Variants in EML6 observed in about 807,000 individuals in gnomAD.
EML6 encodes echinoderm microtubule-associated protein-like 6.
Under a neutral mutation model 240.1 loss-of-function variants are expected in EML6, and 154 were observed. The ratio of observed to expected loss-of-function variants is 0.64; its 90% CI spans 0.56 to 0.73. The LOEUF (loss-of-function observed/expected upper bound fraction) is 0.73. Among genes scored for constraint, EML6 ranks in the 30% least tolerant of loss-of-function variants. EML6 has a pLI of 0.00. For missense variants in EML6, 2,964 were observed against 2,474.6 expected (o/e 1.20, Z -4.20); for synonymous variants, 1,148 against 899.0 (o/e 1.28, Z -4.95).
chr2:54,967,435 G>T (rs558551397), intron 39 of EML6, among the ~76,000 whole-genome samples: 4 of 152,316 alleles, frequency 2.6e-5, no homozygotes, highest in African/African-American at 9.6e-5. Context: ...GGGGAAGGGA[G>T]TGGGAGGGCC....
chr2:54,937,832 A>T (rs1398591655), intron 28 of EML6, among the ~76,000 whole-genome samples: 1 of 152,188 alleles, frequency 6.6e-6, no homozygotes, highest in East Asian at 1.9e-4. Context: ...GCATTAATTA[A>T]ATACTGTTTG....
chr2:54,924,002 A>T (rs960997308), intron 26 of EML6, among the ~76,000 whole-genome samples: 1 of 152,218 alleles, frequency 6.6e-6, no homozygotes, highest in Admixed American at 6.5e-5. Flanking sequence ...TTGTGTGGAT[A>T]TAACAGGTTG....
rs1668400411 is a variant in EML6, at chr2:54,771,524, T to A, written c.198-41708T>A. Reference sequence around the variant, plus strand: ...TGCTAATTGCATAAATGAAGACAGATGCAGGAAACTCTGGATGTGGGATGT... The same window carrying A: ...TGCTAATTGCATAAATGAAGACAGAAGCAGGAAACTCTGGATGTGGGATGT... On this transcript the variant is annotated intron_variant, in intron 2 of 41. Transcript: ENST00000356458. Among the ~76,000 whole-genome samples the A allele has an allele frequency of 1.3e-5, 2 of 152,274 alleles. 1 individual carries two copies. The highest frequency in any genetic ancestry group is 4.1e-4 in the South Asian group (2 of 4,834).
At chr2:54,767,747 A>C (rs1668246384) in intron 2 of EML6, among the ~76,000 whole-genome samples, 1 of 151,884 alleles carries the variant, frequency 6.6e-6, no homozygotes, top group African/African-American at 2.4e-5. Flanking sequence ...TCCTGGCTTC[A>C]AGCAGTCCTC....
chr2:54,958,715 C>T (rs1676351727), intron 33 of EML6, among the ~76,000 whole-genome samples: 1 of 152,184 alleles, frequency 6.6e-6, no homozygotes, highest in African/African-American at 2.4e-5. Flanking sequence ...CCAATGCAAG[C>T]TCCAACTTCG....
At chr2:54,922,564 C>G (rs1034765607) in intron 26 of EML6, among the ~76,000 whole-genome samples, 1 of 150,218 alleles carries the variant, frequency 6.7e-6, no homozygotes, top group Non-Finnish European at 1.5e-5. Context: ...GAAGTGAAAT[C>G]AGTATCTTGA....
intron 16 of EML6, 92 bp from the exon 17 acceptor site, chr2:54,879,455 C>G (rs1671702541): frequency 1.2e-6 from 1 of 810,248 alleles, no homozygotes; most frequent in African/African-American, 1.7e-5. Context: ...TTTATCAGTT[C>G]TTAAGATCAG....
chr2:54,952,277 A>G (rs1676020974), intron 30 of EML6, among the ~76,000 whole-genome samples: 1 of 152,138 alleles, frequency 6.6e-6, no homozygotes, highest in Admixed American at 6.5e-5. Context: ...TTTGACCTTC[A>G]TCATTGTGGA....
chr2:54,917,667 C>A (rs1573138769), intron 26 of EML6, among the ~76,000 whole-genome samples: 1 of 152,230 alleles, frequency 6.6e-6, no homozygotes. Flanking sequence ...GGCCTCTTTT[C>A]TTTTTAAATA....
intron 5 of EML6, among the ~76,000 whole-genome samples, chr2:54,825,422 C>A (rs1668539250): frequency 6.6e-6 from 1 of 152,114 alleles, no homozygotes; most frequent in East Asian, 1.9e-4. Flanking sequence ...GTGTGTGCTA[C>A]CACTCCAGGC....
chr2:54,959,787 A>C (rs933138114), intron 34 of EML6, among the ~76,000 whole-genome samples: 1 of 152,188 alleles, frequency 6.6e-6, no homozygotes, highest in African/African-American at 2.4e-5. Context: ...AATTAAAAGA[A>C]AATCTTGAGA....
At chr2:54,849,911 A>T in intron 9 of EML6, 51 bp from the exon 10 acceptor site, 1 of 1,472,304 alleles carries the variant, frequency 6.8e-7, no homozygotes, top group East Asian at 2.5e-5. Context: ...TAAAACTTGG[A>T]TTTTCTATTT....
At chr2:54,789,636 C>A (rs139547876) in intron 2 of EML6, among the ~76,000 whole-genome samples, 234 of 149,228 alleles carry the variant, frequency 1.6e-3, no homozygotes, top group African/African-American at 5.4e-3. Context: ...TGGTTTTCTT[C>A]TCTTCTTCTG....
intron 26 of EML6, among the ~76,000 whole-genome samples, chr2:54,921,422 G>A (rs981465483): frequency 4.6e-5 from 7 of 152,032 alleles, no homozygotes; most frequent in African/African-American, 1.4e-4. Context: ...GAAATAAATC[G>A]AAGAAGACAC....
intron 34 of EML6, among the ~76,000 whole-genome samples, chr2:54,959,743 C>G (rs1676407691): frequency 6.6e-6 from 1 of 152,040 alleles, no homozygotes; most frequent in Non-Finnish European, 1.5e-5. Context: ...GCCTGGGCGA[C>G]AAGAGTGAAA....
At chr2:54,935,735 G>T (rs933927214) in intron 28 of EML6, among the ~76,000 whole-genome samples, 2 of 152,156 alleles carry the variant, frequency 1.3e-5, no homozygotes, top group Admixed American at 6.5e-5. Context: ...TTAAGGCCAG[G>T]CGTAGTAGCT....
chr2:54,931,019 G>A (rs1175828774), intron 28 of EML6, among the ~76,000 whole-genome samples: 7 of 147,238 alleles, frequency 4.8e-5, no homozygotes, highest in African/African-American at 7.6e-5. Context: ...GTGCAGTGGC[G>A]CGATCTCGGC....
chr2:54,881,287 A>C (rs1671793195), intron 17 of EML6: 1 of 152,202 alleles, frequency 6.6e-6, no homozygotes, highest in South Asian at 2.1e-4. Context: ...TATTTACATA[A>C]ATACATAAGA....
At chr2:54,955,011 TG>T (rs1676166676) in intron 32 of EML6, among the ~76,000 whole-genome samples, 1 of 152,190 alleles carries the variant, frequency 6.6e-6, no homozygotes. Flanking sequence ...ATCAGCACAC[TG>T]GGGGAAAGTT....
Sources: gnomAD v4.1 joint callset for allele counts (sites outside exome capture counted in the v4.1 genomes callset) on GRCh38, gnomAD v4.1.1 for gene constraint, MANE v1.5 for transcripts, NCBI Gene and HGNC (gene_info 2026-07-23, HGNC 2026-07-21) for gene names.